The following GCH1 variants were observed in gnomAD, a reference collection of about 807,000 sequenced individuals.
GCH1 encodes the protein GTP cyclohydrolase 1.
Under a neutral mutation model 25.9 loss-of-function variants are expected in GCH1, and 5 were observed. The observed-to-expected ratio is 0.19, with a 90% CI of 0.10 to 0.41. The LOEUF (loss-of-function observed/expected upper bound fraction) is 0.41, where lower values mean the gene tolerates loss of function less well. GCH1 is among the 10% of genes least tolerant of loss of function. The pLI, the probability that GCH1 is intolerant of heterozygous loss-of-function variation, is 1.00. For synonymous variants in GCH1, 159 were observed against 129.6 expected, an observed-to-expected ratio of 1.23 and a Z score of -1.54; for missense variants, 261 against 336.5, an observed-to-expected ratio of 0.78 and a Z score of 1.75.
chr14:54,872,852 G>C (rs1419331618), intron 1 of GCH1, among the ~76,000 whole-genome samples: 16 of 152,056 alleles, frequency 1.1e-4, no homozygotes, highest in East Asian at 7.7e-4. Context: ...GATTCATAAA[G>C]CAAGTCCTTA....
At chr14:54,861,857 T>G (rs1415495138) in intron 2 of GCH1, among the ~76,000 whole-genome samples, 1 of 152,194 alleles carries the variant, frequency 6.6e-6, no homozygotes, top group Non-Finnish European at 1.5e-5. Flanking sequence ...GCCTTGGATC[T>G]GGCTGCAGCC....
intron 5 of GCH1, 86 bp downstream of exon 5, chr14:54,845,682 G>A (rs901369954): frequency 1.5e-5 from 12 of 809,604 alleles, no homozygotes; most frequent in Non-Finnish European, 2.5e-5. Context: ...GGCATCACCT[G>A]GTGCTACAAA....
intron 1 of GCH1, chr14:54,885,435 G>A (rs142762097): frequency 0.013 from 2,927 of 227,518 alleles, 41 homozygotes; most frequent in Non-Finnish European, 0.019. Context: ...TCAGGTAATG[G>A]GGTTGCTCTC....
intron 1 of GCH1, among the ~76,000 whole-genome samples, chr14:54,895,173 T>A (rs1396012660): frequency 6.6e-6 from 1 of 152,226 alleles, no homozygotes; most frequent in Non-Finnish European, 1.5e-5. Context: ...TTGCCTCCCA[T>A]TATCTTTAGC....
At chr14:54,871,865 A>G (rs1283523876) in intron 1 of GCH1, among the ~76,000 whole-genome samples, 1 of 152,206 alleles carries the variant, frequency 6.6e-6, no homozygotes, top group Non-Finnish European at 1.5e-5. Context: ...CCAAATCTAT[A>G]TCTGATTGGT....
In GCH1 at chr14:54,842,824, T is replaced by C. The variant is rs1247422652; in HGVS notation, c.*1193A>G. ...GAGGAAATTTTAAGATAATCATTAA[T>C]AAGGCAACAGCTTCCAGGATTAAAA... On this transcript the variant is annotated 3_prime_UTR_variant, in exon 6 of 6. Coordinates refer to ENST00000491895, the MANE Select transcript of GCH1 (RefSeq NM_000161.3). 1 of 412,340 alleles carries C rather than the reference T, an allele frequency of 2.4e-6. No homozygotes were observed. The highest frequency in any genetic ancestry group is 4.3e-6 in the Non-Finnish European group (1 of 231,376). 25.5% of individuals were successfully genotyped at this position (412,340 alleles called of 1,614,324 possible).
intron 1 of GCH1, among the ~76,000 whole-genome samples, chr14:54,883,427 C>T (rs2040301537): frequency 1.4e-5 from 2 of 147,482 alleles, no homozygotes; most frequent in African/African-American, 5.0e-5. Context: ...CGCCTGTAAT[C>T]CCAGCACTTT....
chr14:54,854,381 G>A (rs2039777656), intron 3 of GCH1, among the ~76,000 whole-genome samples: 1 of 152,200 alleles, frequency 6.6e-6, no homozygotes, highest in African/African-American at 2.4e-5. Context: ...GGGAGGGCAG[G>A]AAGGCAGGAA....
At chr14:54,878,620 T>C (rs1566675719) in intron 1 of GCH1, among the ~76,000 whole-genome samples, 2 of 152,204 alleles carry the variant, frequency 1.3e-5, no homozygotes, top group South Asian at 4.1e-4. Context: ...ACAGACACAC[T>C]GGGCTATAAG....
chr14:54,871,317 A>G (rs547034810), intron 1 of GCH1, among the ~76,000 whole-genome samples: 33 of 152,282 alleles, frequency 2.2e-4, no homozygotes, highest in African/African-American at 7.9e-4. Flanking sequence ...CTAACAAACA[A>G]AAAAGACATC....
rs34163543 is a variant in GCH1, at chr14:54,879,420, C to CAA, written c.344-13986_344-13985dup. On this transcript the variant is annotated intron_variant, in intron 1 of 5. Coordinates refer to ENST00000491895, the MANE Select transcript of GCH1 (RefSeq NM_000161.3). ...TGGGCAACAGAGCAAGTCCCTGTCT[C>CAA]AAAAAAAAAAAAAAAAAAAAAAAAA... 9.1e-3 allele frequency among the ~76,000 whole-genome samples: 547 copies of CAA among 59,892 alleles called. 23 individuals are homozygous for CAA. Among genetic ancestry groups the CAA allele is most frequent in the Non-Finnish European group, 0.015 (417 of 28,430 alleles). The allele number at this position is 59,892 out of a possible 152,430, so 39.3% of individuals were successfully genotyped here. A position where few individuals can be genotyped will look rare whatever the true frequency, so the allele number is the denominator to read the frequency against.
rs149700435 is a variant in GCH1, at chr14:54,896,107, T to G, written c.343+6214A>C. Among the ~76,000 whole-genome samples the G allele has an allele frequency of 5.1e-3, 784 of 152,290 alleles. 5 individuals are homozygous for G. Among genetic ancestry groups the G allele is most frequent in the Non-Finnish European group, 7.5e-3 (509 of 68,028 alleles). On this transcript the variant is annotated intron_variant, in intron 1 of 5. Transcript: ENST00000491895. ...GTAAAATACCAACTTATTTTAAATT[T>G]TACAACACTTAAGTCAACATTACTA... is the stretch of plus-strand genomic sequence containing the variant.
rs752904207 is a variant in GCH1 at position 54,843,910 on chromosome 14, G to A, written c.*107C>T. ...AATATAATTAGTGACAAGGAATAAA[G>A]TTCACATCTGTAACAATTGAAAATG... On this transcript the variant is annotated 3_prime_UTR_variant, in exon 6 of 6. Coordinates refer to ENST00000491895, the MANE Select transcript of GCH1 (RefSeq NM_000161.3). 6.2e-6 allele frequency: 10 copies of A among 1,609,924 alleles called. No individual in the cohort carries two copies. Among genetic ancestry groups the A allele is most frequent in the Non-Finnish European group, 8.5e-6 (10 of 1,176,874 alleles).
intron 1 of GCH1, among the ~76,000 whole-genome samples, chr14:54,898,873 C>G (rs2040523568): frequency 6.6e-6 from 1 of 152,204 alleles, no homozygotes; most frequent in South Asian, 2.1e-4. Flanking sequence ...ATCCGCCCAC[C>G]TTGGCCTCCC....
In GCH1 at chr14:54,859,733, G is replaced by T; in HGVS notation, c.457C>A (p.His153Asn). The change falls in exon 3 of 6, where the codon CAT becomes AAT. Residue 153 changes from histidine to asparagine, a missense_variant. Physicochemically the swap from His to Asn is moderately conservative, Grantham distance 68. Transcript: ENST00000491895. ...TGCTTGTTAGGAAGATAACCAATAT[G>T]GACCTTCAGAGAAGAGACGGAAATC... The part of the protein sequence containing the change: ...HHLVPFVGKV[H>N]IGYLPNKQVL... The T allele has an allele frequency of 6.3e-7, 1 of 1,579,758 alleles. No individual in the cohort carries two copies. Among genetic ancestry groups the T allele is most frequent in the Non-Finnish European group, 8.7e-7 (1 of 1,148,626 alleles).
At chr14:54,848,298 G>A (rs902838585) in intron 3 of GCH1, among the ~76,000 whole-genome samples, 1 of 151,844 alleles carries the variant, frequency 6.6e-6, no homozygotes, top group Non-Finnish European at 1.5e-5. Flanking sequence ...CACCATGCTC[G>A]GCTAATTTTT....
At chr14:54,887,685 G>A (rs561907590) in intron 1 of GCH1, among the ~76,000 whole-genome samples, 1 of 152,072 alleles carries the variant, frequency 6.6e-6, no homozygotes, top group Non-Finnish European at 1.5e-5. Context: ...TACTAAGGGT[G>A]GTGTAAATCA....
At chr14:54,869,951 C>G (rs1351301474) in intron 1 of GCH1, among the ~76,000 whole-genome samples, 2 of 152,152 alleles carry the variant, frequency 1.3e-5, no homozygotes, top group African/African-American at 4.8e-5. Flanking sequence ...ACAGAAGAGA[C>G]TACCTATGTT....
At chr14:54,850,379 C>A (rs2039709879) in intron 3 of GCH1, among the ~76,000 whole-genome samples, 1 of 146,974 alleles carries the variant, frequency 6.8e-6, no homozygotes. Context: ...ATGGCACAAT[C>A]TCAGCTCACT....
Sources: gnomAD v4.1 joint callset for allele counts (sites outside exome capture counted in the v4.1 genomes callset) on GRCh38, gnomAD v4.1.1 for gene constraint, MANE v1.5 for transcripts, NCBI Gene and HGNC (gene_info 2026-07-23, HGNC 2026-07-21) for gene names.